CTF1: variants seen among roughly 807,000 people sequenced by gnomAD.
The protein encoded by CTF1 is cardiotrophin-1.
In CTF1, 9 loss-of-function variants were observed where a neutral mutation model predicts 10.9. The ratio of observed to expected loss-of-function variants is 0.83; its 90% CI spans 0.50 to 1.44. CTF1 has a LOEUF of 1.44. Among genes scored for constraint, CTF1 ranks in the 40% most tolerant of loss-of-function variants. The pLI is 0.00. For missense variants in CTF1, 259 were observed against 275.3 expected (o/e 0.94, Z 0.42); for synonymous variants, 133 against 138.8 (o/e 0.96, Z 0.29).
chr16:30,900,099 C>A (rs2055389029), intron 2 of CTF1, among the ~76,000 whole-genome samples: 1 of 152,140 alleles, frequency 6.6e-6, no homozygotes. Context: ...ACCTTGACAC[C>A]TCCCCTCCAT....
In CTF1 at chr16:30,902,720, G is replaced by GA; in HGVS notation, c.*181_*182insA. ...GACGGGCAGGGTCTCTGTCGCCCAGGCTGGGGTGCAGTGGCGCGATCCCAG... is the reference window on the plus strand; with the variant it reads ...GACGGGCAGGGTCTCTGTCGCCCAGGACTGGGGTGCAGTGGCGCGATCCCAG... On this transcript the variant is annotated 3_prime_UTR_variant, in exon 3 of 3. Coordinates refer to ENST00000279804, the MANE Select transcript of CTF1 (RefSeq NM_001330.5). The GA allele has an allele frequency of 1.0e-6, 1 of 986,752 alleles. No individual in the cohort carries two copies. Among genetic ancestry groups the GA allele is most frequent in the Non-Finnish European group, 1.3e-6 (1 of 746,184 alleles). 61.1% of individuals were successfully genotyped at this position (986,752 alleles called of 1,614,324 possible). A position where few individuals can be genotyped will look rare whatever the true frequency, so the allele number is the denominator to read the frequency against.
intron 2 of CTF1, among the ~76,000 whole-genome samples, chr16:30,900,443 G>T (rs1453716466): frequency 1.3e-5 from 2 of 152,086 alleles, no homozygotes; most frequent in African/African-American, 4.8e-5. Flanking sequence ...TTATGGCAGC[G>T]GATAGTGGGA....
Position 30,902,407 on chromosome 16 carries a change from C to A in CTF1, c.474C>A (p.Thr158=), listed in dbSNP as rs1217608616. 2 of 1,290,358 alleles carry A rather than the reference C, an allele frequency of 1.5e-6. No homozygotes were observed. Among genetic ancestry groups the A allele is most frequent in the Non-Finnish European group, 2.0e-6 (2 of 1,018,396 alleles). The allele number at this position is 1,290,358 out of a possible 1,614,324, so 79.9% of individuals were successfully genotyped here. The change falls in exon 3 of 3, where the codon ACC becomes ACA. Residue 158 remains threonine (T), a synonymous_variant. Coordinates refer to ENST00000279804, the MANE Select transcript of CTF1 (RefSeq NM_001330.5). The part of the protein sequence containing the change: ...RGPRAEPPAA[T]ASAASATGVF... ...CCCGGGCCGAGCCCCCCGCCGCCAC[C>A]GCCTCAGCCGCCTCCGCCACCGGGG...
intron 2 of CTF1, 87 bp from the exon 3 acceptor site, chr16:30,901,990 AC>A: frequency 8.5e-7 from 1 of 1,179,590 alleles, no homozygotes; most frequent in Non-Finnish European, 1.1e-6. Context: ...GGAAACTGAC[AC>A]CCCCAGAGAG....
chr16:30,902,570 C>T lies in CTF1; in HGVS notation c.*31C>T. The T allele has an allele frequency of 6.7e-7, 1 of 1,489,336 alleles. No individual in the cohort carries two copies. Among genetic ancestry groups the T allele is most frequent in the East Asian group, 2.8e-5 (1 of 36,146 alleles). The allele number at this position is 1,489,336 out of a possible 1,614,324, so 92.3% of individuals were successfully genotyped here. A position where few individuals can be genotyped will look rare whatever the true frequency, so the allele number is the denominator to read the frequency against. On this transcript the variant is annotated 3_prime_UTR_variant, in exon 3 of 3. Transcript: ENST00000279804. ...GCGGGGCAGCTCGCCCCGCCTCCTC[C>T]CGCTGGGTTCCGTCTCTCCTTCCGC... is the stretch of plus-strand genomic sequence containing the variant.
At chr16:30,896,515 G>T (rs544600313), upstream of CTF1, 8 of 836,640 alleles carry the variant, frequency 9.6e-6, no homozygotes, top group Admixed American at 1.7e-4. Context: ...TCTCAAAAGG[G>T]GGGGTAGGAT....
At chr16:30,897,920 C>T (rs914576461) in intron 1 of CTF1, among the ~76,000 whole-genome samples, 1 of 152,002 alleles carries the variant, frequency 6.6e-6, no homozygotes, top group Non-Finnish European at 1.5e-5. Context: ...AGTGCAGTGG[C>T]CTTGGCTCAC....
Position 30,902,667 on chromosome 16 carries a change from T to C in CTF1, c.*128T>C. 1 of 1,292,012 alleles carries C rather than the reference T, an allele frequency of 7.7e-7. No individual in the cohort carries two copies. Among genetic ancestry groups the C allele is most frequent in the South Asian group, 1.8e-5 (1 of 55,574 alleles). 80.0% of individuals were successfully genotyped at this position (1,292,012 alleles called of 1,614,324 possible). ...AGCTGTCTCCATTGCCTCGGCCTTC[T>C]TTGCTTTTTGTGGGGGAGAGGGGAG... On this transcript the variant is annotated 3_prime_UTR_variant, in exon 3 of 3. Transcript: ENST00000279804.
Position 30,902,590 on chromosome 16 carries a change from T to A in CTF1, c.*51T>A. ...TCCTCCCGCTGGGTTCCGTCTCTCC[T>A]TCCGCTTCTTTGTCTTTCTCTGCCG... On this transcript the variant is annotated 3_prime_UTR_variant, in exon 3 of 3. Transcript: ENST00000279804. 2 of 1,452,314 alleles carry A rather than the reference T, an allele frequency of 1.4e-6. No individual in the cohort carries two copies. The highest frequency in any genetic ancestry group is 1.8e-6 in the Non-Finnish European group (2 of 1,100,778). 90.0% of individuals were successfully genotyped at this position (1,452,314 alleles called of 1,614,324 possible). A position where few individuals can be genotyped will look rare whatever the true frequency, so the allele number is the denominator to read the frequency against.
At chr16:30,897,553 G>A (rs1226799378) in intron 1 of CTF1, among the ~76,000 whole-genome samples, 1 of 152,120 alleles carries the variant, frequency 6.6e-6, no homozygotes, top group Non-Finnish European at 1.5e-5. Flanking sequence ...AGTGATTCTG[G>A]AGGCTTCACT....
chr16:30,900,651 G>A (rs1303686275), intron 2 of CTF1, among the ~76,000 whole-genome samples: 1 of 152,196 alleles, frequency 6.6e-6, no homozygotes, highest in East Asian at 1.9e-4. Context: ...GAAAAAAATA[G>A]CCAGGCGTGG....
intron 2 of CTF1, among the ~76,000 whole-genome samples, chr16:30,900,442 C>T (rs1268436630): frequency 1.3e-5 from 2 of 152,004 alleles, no homozygotes; most frequent in African/African-American, 4.8e-5. Flanking sequence ...ATTATGGCAG[C>T]GGATAGTGGG....
At chr16:30,899,378 G>C (rs1481858955) in intron 1 of CTF1, 37 bp from the exon 2 acceptor site, 3 of 1,258,980 alleles carry the variant, frequency 2.4e-6, no homozygotes, top group Non-Finnish European at 2.3e-6. Context: ...ATGAGCAGGA[G>C]GTTGGCCATC....
rs1046386560 is a variant in CTF1 at position 30,902,622 on chromosome 16, GTGTC to G, written c.*94_*97del. The G allele has an allele frequency of 7.8e-6, 11 of 1,403,272 alleles. No individual in the cohort carries two copies. The highest frequency in any genetic ancestry group is 3.1e-5 in the East Asian group (1 of 32,468). 86.9% of individuals were successfully genotyped at this position (1,403,272 alleles called of 1,614,324 possible). A position where few individuals can be genotyped will look rare whatever the true frequency, so the allele number is the denominator to read the frequency against. On this transcript the variant is annotated 3_prime_UTR_variant, in exon 3 of 3. Transcript: ENST00000279804. ...TCTTTGTCTTTCTCTGCCGCTGTCG[GTGTC>G]TGTCTGTCTGCTCTTAGCTGTCTCC...
chr16:30,896,607 G>T (rs895315235), upstream of CTF1: 3 of 1,253,828 alleles, frequency 2.4e-6, no homozygotes, highest in Non-Finnish European at 3.0e-6. Flanking sequence ...CCTCGAAAGG[G>T]GGGCGTGAAG....
intron 2 of CTF1, among the ~76,000 whole-genome samples, chr16:30,901,546 G>A (rs771930668): frequency 2.0e-5 from 3 of 152,090 alleles, no homozygotes; most frequent in African/African-American, 4.8e-5. Context: ...GGTCATAACT[G>A]CTTTATGAAG....
chr16:30,901,743 ATTTTTTTTTT>A (rs757616467), intron 2 of CTF1, among the ~76,000 whole-genome samples: 1 of 97,790 alleles, frequency 1.0e-5, no homozygotes, highest in Non-Finnish European at 1.9e-5. Context: ...CACACTCGCT[ATTTTTTTTTT>A]TTTTTTTTTT....
At chr16:30,897,523 G>A (rs1181915128) in intron 1 of CTF1, among the ~76,000 whole-genome samples, 1 of 152,144 alleles carries the variant, frequency 6.6e-6, no homozygotes, top group Non-Finnish European at 1.5e-5. Flanking sequence ...TCAAAGGAAG[G>A]AGTTCGTTTA....
intron 1 of CTF1, 41 bp downstream of exon 1, chr16:30,896,709 G>C (rs1452466057): frequency 8.0e-7 from 1 of 1,251,466 alleles, no homozygotes; most frequent in Non-Finnish European, 1.0e-6. Context: ...GCTGAGGGGC[G>C]CAGGAGTCAG....
Sources: gnomAD v4.1 joint callset for allele counts (sites outside exome capture counted in the v4.1 genomes callset) on GRCh38, gnomAD v4.1.1 for gene constraint, MANE v1.5 for transcripts, NCBI Gene and HGNC (gene_info 2026-07-23, HGNC 2026-07-21) for gene names.